Variants in PAN3 observed in about 807,000 individuals in gnomAD.
The protein encoded by PAN3 is PAN2-PAN3 deadenylation complex subunit PAN3.
In PAN3, 19 loss-of-function variants were observed where a neutral mutation model predicts 96.2. That is an observed-to-expected ratio of 0.20 (90% confidence interval 0.14 to 0.29). The LOEUF (loss-of-function observed/expected upper bound fraction) is 0.29, where lower values mean the gene tolerates loss of function less well. PAN3 is among the 10% of genes least tolerant of loss of function. The pLI is 1.00. For missense variants in PAN3, 882 were observed against 1,108.1 expected (o/e 0.80, Z 2.90); for synonymous variants, 433 against 406.6 (o/e 1.06, Z -0.78).
At chr13:28,164,834 G>C (rs371825173) in intron 1 of PAN3, among the ~76,000 whole-genome samples, 2 of 152,174 alleles carry the variant, frequency 1.3e-5, no homozygotes, top group African/African-American at 4.8e-5. Context: ...TGCAGGATTG[G>C]ATTTTTTTAA....
At chr13:28,224,331 GTGAC>G (rs1881766242) in intron 6 of PAN3, among the ~76,000 whole-genome samples, 1 of 152,190 alleles carries the variant, frequency 6.6e-6, no homozygotes, top group Non-Finnish European at 1.5e-5. Context: ...GTGTTTGAAA[GTGAC>G]TGTAAGTGCA....
chr13:28,203,476 C>T (rs114476912), intron 5 of PAN3, among the ~76,000 whole-genome samples: 1 of 151,764 alleles, frequency 6.6e-6, no homozygotes, highest in African/African-American at 2.4e-5. Flanking sequence ...GCTAGGTTTT[C>T]TTTGTATTTT....
rs147844999 is a variant in PAN3 at position 28,267,501 on chromosome 13, C to A, written c.1792+100C>A. ...AATACGTATAATTTTTCCCTGTAAT[C>A]ATTTAGTTTAAAGACTCTATTACAT... On this transcript the variant is annotated intron_variant, in intron 12 of 18. Transcript: ENST00000380958. 5.1e-3 allele frequency: 5,114 copies of A among 1,004,350 alleles called. 36 individuals are homozygous for A. The highest frequency in any genetic ancestry group is 0.014 in the South Asian group (945 of 66,492). The allele number at this position is 1,004,350 out of a possible 1,614,324, so 62.2% of individuals were successfully genotyped here. A position where few individuals can be genotyped will look rare whatever the true frequency, so the allele number is the denominator to read the frequency against.
intron 1 of PAN3, among the ~76,000 whole-genome samples, chr13:28,146,115 T>C (rs1255929505): frequency 6.6e-6 from 1 of 152,056 alleles, no homozygotes; most frequent in Non-Finnish European, 1.5e-5. Context: ...TACATTGGAA[T>C]AGAAGTGTAT....
intron 6 of PAN3, among the ~76,000 whole-genome samples, chr13:28,231,938 G>C (rs1409874562): frequency 1.3e-5 from 2 of 152,044 alleles, no homozygotes; most frequent in African/African-American, 2.4e-5. Context: ...AATCTTTTTA[G>C]AGTACTTTGA....
chr13:28,198,895 T>G (rs1878384019), intron 5 of PAN3, among the ~76,000 whole-genome samples: 1 of 152,204 alleles, frequency 6.6e-6, no homozygotes, highest in African/African-American at 2.4e-5. Context: ...TGTATTGCCT[T>G]GGGCATAGGA....
intron 9 of PAN3, among the ~76,000 whole-genome samples, chr13:28,264,723 G>A (rs1041358741): frequency 5.3e-5 from 8 of 152,116 alleles, no homozygotes; most frequent in Admixed American, 4.6e-4. Flanking sequence ...AGCTCTCAAA[G>A]TATGATTCCT....
intron 1 of PAN3, among the ~76,000 whole-genome samples, chr13:28,163,032 G>T (rs1873081374): frequency 2.0e-5 from 3 of 151,910 alleles, no homozygotes; most frequent in Admixed American, 2.0e-4. Flanking sequence ...AATGCAGGAG[G>T]ATCACTTGAG....
chr13:28,198,686 C>T (rs893623857), intron 5 of PAN3, among the ~76,000 whole-genome samples: 5 of 151,938 alleles, frequency 3.3e-5, no homozygotes, highest in African/African-American at 1.2e-4. Context: ...TCAATTTAGC[C>T]AGAGGTAGAA....
At chr13:28,188,891 T>A (rs1876839285) in intron 4 of PAN3, among the ~76,000 whole-genome samples, 1 of 152,230 alleles carries the variant, frequency 6.6e-6, no homozygotes, top group African/African-American at 2.4e-5. Flanking sequence ...CTACATTTTT[T>A]ATACAAGTGC....
At chr13:28,219,485 G>A (rs1485661355) in intron 5 of PAN3, among the ~76,000 whole-genome samples, 3 of 151,858 alleles carry the variant, frequency 2.0e-5, no homozygotes, top group African/African-American at 7.3e-5. Context: ...TTTAATGTGG[G>A]CAATATTATA....
chr13:28,280,579 T>TG (rs1887391511), intron 16 of PAN3, 38 bp downstream of exon 16: 1 of 1,437,354 alleles, frequency 7.0e-7, no homozygotes, highest in Non-Finnish European at 9.3e-7. Flanking sequence ...TTTTTTTTTT[T>TG]GAGACAGAGT....
chr13:28,247,492 C>G lies in PAN3; in HGVS notation c.1001-8800C>G, dbSNP rs185030049. On this transcript the variant is annotated intron_variant, in intron 6 of 18. Transcript: ENST00000380958. ...TGTTGCCTATGCTTTTGAGATCTTA[C>G]GCAAAATATCTTTGCCCAGACTGAT... Among the ~76,000 whole-genome samples, 5 of 152,188 alleles carry G rather than the reference C, an allele frequency of 3.3e-5. No homozygotes were observed. In the East Asian group the frequency reaches 9.6e-4, roughly 29 times the overall value.
chr13:28,161,016 A>G (rs1313226840), intron 1 of PAN3, among the ~76,000 whole-genome samples: 2 of 152,222 alleles, frequency 1.3e-5, no homozygotes, highest in African/African-American at 2.4e-5. Flanking sequence ...TTTTTGCTCA[A>G]ACAAATTGGT....
intron 6 of PAN3, among the ~76,000 whole-genome samples, chr13:28,236,201 C>G (rs2138470614): frequency 6.6e-6 from 1 of 152,190 alleles, no homozygotes. Context: ...TGAGTTTAGA[C>G]CTAGGTTTTA....
In PAN3 at chr13:28,292,569, T is replaced by C. The variant is rs375922333; in HGVS notation, c.*47T>C. The C allele has an allele frequency of 1.3e-4, 193 of 1,543,502 alleles. No individual in the cohort carries two copies. Among genetic ancestry groups the C allele is most frequent in the Middle Eastern group, 4.1e-4 (2 of 4,820 alleles). On this transcript the variant is annotated 3_prime_UTR_variant, in exon 19 of 19. Coordinates refer to ENST00000380958, the MANE Select transcript of PAN3 (RefSeq NM_175854.8). Reference sequence around the variant, plus strand: ...GGACATGGCTAAAGACCTTAACCAATAGCAAATTGCACTACAGCTGAACTT... The same window carrying C: ...GGACATGGCTAAAGACCTTAACCAACAGCAAATTGCACTACAGCTGAACTT...
intron 6 of PAN3, among the ~76,000 whole-genome samples, chr13:28,235,684 CACACACACACAT>C (rs1288579191): frequency 8.2e-6 from 1 of 121,226 alleles, no homozygotes; most frequent in East Asian, 2.2e-4. Context: ...CTCTAATATA[CACACACACACAT>C]ACACACACAC....
intron 12 of PAN3, 68 bp downstream of exon 12, chr13:28,267,469 A>G (rs1886277957): frequency 4.8e-6 from 6 of 1,246,938 alleles, no homozygotes; most frequent in Non-Finnish European, 5.7e-6. Flanking sequence ...GTAGTTTTCT[A>G]TTTTAAAATA....
Position 28,286,830 on chromosome 13 carries a change from T to C in PAN3, c.2385-1154T>C, listed in dbSNP as rs76343268. On this transcript the variant is annotated intron_variant, in intron 17 of 18. Transcript: ENST00000380958. The stretch of plus-strand genomic sequence containing the variant: ...AGTGACCTTTGCAAACATACATATA[T>C]GATTGTGCTAAAACCATATGGTGAA... Among the ~76,000 whole-genome samples, 538 of 152,332 alleles carry C rather than the reference T, an allele frequency of 3.5e-3. 3 individuals are homozygous for C. The highest frequency in any genetic ancestry group is 0.012 in the African/African-American group (509 of 41,572).
Sources: allele counts gnomAD v4.1 joint callset (sites outside exome capture counted in the v4.1 genomes callset), GRCh38; gene constraint gnomAD v4.1.1; transcripts MANE v1.5; gene names NCBI Gene and HGNC (gene_info 2026-07-23, HGNC 2026-07-21).